Variants in FGFR2 observed in about 807,000 individuals in gnomAD.
FGFR2 encodes the protein fibroblast growth factor receptor 2.
Under a neutral mutation model 95.9 loss-of-function variants are expected in FGFR2, and 19 were observed. That is an observed-to-expected ratio of 0.20 (90% CI 0.14 to 0.29). FGFR2 has a LOEUF of 0.29. FGFR2 is among the 10% of genes least tolerant of loss of function. The pLI is 1.00. For missense variants in FGFR2, 707 were observed against 1,056.9 expected, an observed-to-expected ratio of 0.67 and a Z score of 4.59; for synonymous variants, 392 against 393.3, an observed-to-expected ratio of 1.00 and a Z score of 0.04.
rs1844356332 is a variant in FGFR2, at chr10:121,479,205, TATAA to T, written c.*648_*651del. On this transcript the variant is annotated 3_prime_UTR_variant, in exon 18 of 18. Transcript: ENST00000358487. ...ATGCCACTTAAATTACAAAAAAAAC[TATAA>T]ATGATTAATTGTTTTGTATATTACC... 4.3e-6 allele frequency: 1 copy of T among 233,146 alleles called. No homozygotes were observed. The highest frequency in any genetic ancestry group is 5.6e-5 in the Admixed American group (1 of 17,766). 14.4% of individuals were successfully genotyped at this position (233,146 alleles called of 1,614,324 possible).
intron 13 of FGFR2, among the ~76,000 whole-genome samples, chr10:121,488,632 C>G (rs1317945077): frequency 6.6e-6 from 1 of 151,872 alleles, no homozygotes; most frequent in African/African-American, 2.4e-5. Flanking sequence ...ATCGGAGAGC[C>G]TGGATCACGA....
chr10:121,518,799 C>CT lies in FGFR2; in HGVS notation c.939+1179dup. 6.2e-7 allele frequency: 1 copy of CT among 1,614,176 alleles called. No homozygotes were observed. The highest frequency in any genetic ancestry group is 8.5e-7 in the Non-Finnish European group (1 of 1,180,020). ...TCGGTCACATTGAACAGAGCCAGCA[C>CT]TTCTGCATTGGAACTATTTATCCCC... On this transcript the variant is annotated intron_variant, in intron 7 of 17. Coordinates refer to ENST00000358487, the MANE Select transcript of FGFR2 (RefSeq NM_000141.5). This position sits in a 1 kb window ranked among gnomAD's most constrained non-coding sequence, Gnocchi z 4.0.
At chr10:121,542,271 A>G (rs1853879037) in intron 5 of FGFR2, among the ~76,000 whole-genome samples, 1 of 152,252 alleles carries the variant, frequency 6.6e-6, no homozygotes, top group Admixed American at 6.5e-5. Context: ...AAAATCAGAA[A>G]GAAAATATAC....
intron 2 of FGFR2, 114 bp downstream of exon 2, chr10:121,593,595 G>T: frequency 1.1e-6 from 1 of 913,336 alleles, no homozygotes; most frequent in Non-Finnish European, 1.8e-6. Flanking sequence ...ACGATCTGGT[G>T]CTCTTAGAAG....
intron 2 of FGFR2, among the ~76,000 whole-genome samples, chr10:121,578,775 T>C (rs1860342667): frequency 6.6e-6 from 1 of 152,190 alleles, no homozygotes; most frequent in Non-Finnish European, 1.5e-5. Flanking sequence ...CCAGGTCTGG[T>C]GGCAGGAGCC....
intron 15 of FGFR2, among the ~76,000 whole-genome samples, chr10:121,486,736 A>G (rs1845464699): frequency 6.6e-6 from 1 of 152,256 alleles, no homozygotes; most frequent in Admixed American, 6.5e-5. Flanking sequence ...GAGTCACTGC[A>G]CACAGCCTTC....
At chr10:121,586,364 A>G (rs994613381) in intron 2 of FGFR2, among the ~76,000 whole-genome samples, 2 of 152,228 alleles carry the variant, frequency 1.3e-5, no homozygotes, top group African/African-American at 4.8e-5. Context: ...AAACACATTC[A>G]GCATAACCTG....
chr10:121,582,959 T>C (rs1861174285), intron 2 of FGFR2, among the ~76,000 whole-genome samples: 1 of 152,018 alleles, frequency 6.6e-6, no homozygotes, highest in Non-Finnish European at 1.5e-5. Context: ...GGTACTGGAG[T>C]TCACTTTTTA....
intron 2 of FGFR2, among the ~76,000 whole-genome samples, chr10:121,571,611 G>A (rs1486269111): frequency 2.7e-5 from 4 of 150,536 alleles, no homozygotes; most frequent in Non-Finnish European, 4.4e-5. Context: ...CTGGCCACAA[G>A]CAGCTTCTTT....
At chr10:121,526,244 TG>T (rs1392227873) in intron 6 of FGFR2, 5 of 398,570 alleles carry the variant, frequency 1.3e-5, no homozygotes, top group African/African-American at 1.0e-4. Flanking sequence ...TGAAAACAAC[TG>T]AGAATTCTTT....
intron 11 of FGFR2, among the ~76,000 whole-genome samples, chr10:121,500,444 A>G (rs1253828307): frequency 6.6e-6 from 1 of 152,194 alleles, no homozygotes; most frequent in East Asian, 1.9e-4. Flanking sequence ...ATTTTCTTGT[A>G]CTTGTAAAGT....
At chr10:121,490,472 T>C (rs967718494) in intron 13 of FGFR2, among the ~76,000 whole-genome samples, 3 of 152,218 alleles carry the variant, frequency 2.0e-5, no homozygotes, top group African/African-American at 7.2e-5. Context: ...CCTATGATTT[T>C]TCCTTTCTAC....
intron 6 of FGFR2, among the ~76,000 whole-genome samples, chr10:121,522,311 AC>A (rs1355903654): frequency 6.6e-6 from 1 of 152,356 alleles, no homozygotes; most frequent in African/African-American, 2.4e-5. Flanking sequence ...TAATCCCAGA[AC>A]TTTGAAGGCT....
chr10:121,480,413 C>T (rs1288992773), intron 17 of FGFR2: 2 of 355,484 alleles, frequency 5.6e-6, no homozygotes, highest in East Asian at 4.6e-5. Flanking sequence ...GTCTACACCA[C>T]CTCCTCACTA....
At chr10:121,521,257 G>A (rs549443142) in intron 6 of FGFR2, among the ~76,000 whole-genome samples, 5 of 152,234 alleles carry the variant, frequency 3.3e-5, no homozygotes, top group African/African-American at 4.8e-5. Context: ...TAAAAGGGCA[G>A]AGATGGTATC....
intron 13 of FGFR2, among the ~76,000 whole-genome samples, chr10:121,493,234 A>G (rs1242945267): frequency 1.3e-5 from 2 of 152,220 alleles, no homozygotes; most frequent in African/African-American, 4.8e-5. Context: ...CGGAGGGGTC[A>G]GTAATTAATA....
intron 10 of FGFR2, among the ~76,000 whole-genome samples, chr10:121,503,435 T>A (rs1012660901): frequency 2.0e-5 from 3 of 152,222 alleles, no homozygotes; most frequent in African/African-American, 7.2e-5. Context: ...AGAACAGTCT[T>A]GTTCTAGTAA....
chr10:121,538,767 C>T (rs1013134433), intron 5 of FGFR2, 52 bp from the exon 6 acceptor site: 3 of 1,611,970 alleles, frequency 1.9e-6, no homozygotes, highest in Middle Eastern at 1.6e-4. Context: ...CACAGAATAC[C>T]AAGTACTGTG....
chr10:121,576,187 C>CA (rs1198525903), intron 2 of FGFR2, among the ~76,000 whole-genome samples: 2 of 152,036 alleles, frequency 1.3e-5, no homozygotes, highest in Non-Finnish European at 2.9e-5. Flanking sequence ...AACTCCGTCT[C>CA]AAAAAATAAA....
Sources: allele counts gnomAD v4.1 joint callset (sites outside exome capture counted in the v4.1 genomes callset), GRCh38; gene constraint gnomAD v4.1.1; non-coding constraint Gnocchi (gnomAD v3.1); transcripts MANE v1.5; gene names NCBI Gene and HGNC (gene_info 2026-07-23, HGNC 2026-07-21).